Variants in CA10 observed in about 807,000 individuals in gnomAD.
CA10 encodes carbonic anhydrase-related protein 10.
Under a neutral mutation model 44.2 loss-of-function variants are expected in CA10, and 14 were observed. That is an observed-to-expected ratio of 0.32 (90% CI 0.21 to 0.50). The LOEUF is 0.50. Among genes scored for constraint, CA10 ranks in the 20% least tolerant of loss-of-function variants. The pLI, the probability that CA10 is intolerant of heterozygous loss-of-function variation, is 0.99. For synonymous variants in CA10, 159 were observed against 141.6 expected, an observed-to-expected ratio of 1.12 and a Z score of -0.87; for missense variants, 350 against 409.7, an observed-to-expected ratio of 0.85 and a Z score of 1.26.
At chr17:51,810,758 G>C (rs1179560548) in intron 3 of CA10, among the ~76,000 whole-genome samples, 2 of 152,210 alleles carry the variant, frequency 1.3e-5, no homozygotes, top group Admixed American at 6.5e-5. Context: ...GAGGTTCCCT[G>C]TTGAGAAAAA....
At chr17:52,087,728 T>C (rs1988155813) in intron 1 of CA10, among the ~76,000 whole-genome samples, 1 of 152,176 alleles carries the variant, frequency 6.6e-6, no homozygotes, top group Non-Finnish European at 1.5e-5. Context: ...CTCCTAAATA[T>C]GAAACAGCAT....
intron 4 of CA10, among the ~76,000 whole-genome samples, chr17:51,736,231 C>T (rs1916905777): frequency 6.6e-6 from 1 of 152,074 alleles, no homozygotes; most frequent in Non-Finnish European, 1.5e-5. Flanking sequence ...TGAATAATTC[C>T]ATCAATTTTC....
chr17:51,964,864 T>G (rs1034849093), intron 2 of CA10, among the ~76,000 whole-genome samples: 1 of 151,644 alleles, frequency 6.6e-6, no homozygotes, highest in African/African-American at 2.4e-5. Flanking sequence ...AAGAACAAAC[T>G]GACCCCAAAG....
At position 51,831,667 on chromosome 17, in the gene CA10, A is replaced by AAGCAGCAGCAGCAGCAGCAGC. The variant is rs66635963; in HGVS notation, c.280-83870_280-83850dup. Among the ~76,000 whole-genome samples, 62 of 127,488 alleles carry AAGCAGCAGCAGCAGCAGCAGC rather than the reference A, an allele frequency of 4.9e-4. 4 individuals carry two copies. The highest frequency in any genetic ancestry group is 3.0e-3 in the South Asian group (10 of 3,312). The allele number at this position is 127,488 out of a possible 152,430, so 83.6% of individuals were successfully genotyped here. A position where few individuals can be genotyped will look rare whatever the true frequency, so the allele number is the denominator to read the frequency against. On this transcript the variant is annotated intron_variant, in intron 3 of 8. Transcript: ENST00000451037. ...TGGATTGTTCCAAGGAGAAAAGAAA[A>AAGCAGCAGCAGCAGCAGCAGC]AGCAGCAGCAGCAGCAGCAGCAGCA... is the stretch of plus-strand genomic sequence containing the variant.
chr17:51,841,028 G>T (rs1978314913), intron 3 of CA10, among the ~76,000 whole-genome samples: 1 of 152,196 alleles, frequency 6.6e-6, no homozygotes, highest in Non-Finnish European at 1.5e-5. Context: ...AGGGAGAGAT[G>T]GTAACGGCCT....
At chr17:51,646,664 C>T (rs1254943204) in intron 6 of CA10, among the ~76,000 whole-genome samples, 2 of 152,278 alleles carry the variant, frequency 1.3e-5, no homozygotes, top group South Asian at 2.1e-4. Flanking sequence ...TGTTTCCCAC[C>T]CACTGGCTGT....
At chr17:51,860,407 AG>A (rs1217411465) in intron 3 of CA10, among the ~76,000 whole-genome samples, 1 of 152,220 alleles carries the variant, frequency 6.6e-6, no homozygotes, top group Non-Finnish European at 1.5e-5. Context: ...AATGGCTGGA[AG>A]TCTGACTGCA....
intron 3 of CA10, among the ~76,000 whole-genome samples, chr17:51,926,584 G>A (rs910639534): frequency 1.3e-5 from 2 of 152,120 alleles, no homozygotes; most frequent in Admixed American, 6.6e-5. Flanking sequence ...CCTTCTGGAA[G>A]CTCCAAGGAA....
intron 3 of CA10, among the ~76,000 whole-genome samples, chr17:51,922,773 G>T (rs978963568): frequency 6.6e-6 from 1 of 151,988 alleles, no homozygotes; most frequent in Non-Finnish European, 1.5e-5. Context: ...TTAAAAATCT[G>T]CCTTTTGAAG....
At chr17:51,691,622 A>G (rs554974328) in intron 4 of CA10, among the ~76,000 whole-genome samples, 150 of 151,984 alleles carry the variant, frequency 9.9e-4, no homozygotes, top group Middle Eastern at 6.8e-3. Context: ...GTTCATATAT[A>G]AAAAAAATCA....
intron 3 of CA10, among the ~76,000 whole-genome samples, chr17:51,789,097 C>T (rs1378359122): frequency 1.3e-5 from 2 of 152,154 alleles, no homozygotes; most frequent in African/African-American, 2.4e-5. Flanking sequence ...TCACTGCAGC[C>T]TCTGCCTCCT....
chr17:52,011,492 T>C (rs1046774633), intron 2 of CA10, among the ~76,000 whole-genome samples: 2 of 152,092 alleles, frequency 1.3e-5, no homozygotes, highest in African/African-American at 4.8e-5. Flanking sequence ...GAAGAAGTTA[T>C]AGCCAAATAA....
intron 2 of CA10, among the ~76,000 whole-genome samples, chr17:52,022,119 G>T (rs1191807055): frequency 6.6e-6 from 1 of 151,940 alleles, no homozygotes; most frequent in Non-Finnish European, 1.5e-5. Flanking sequence ...ATCAGCATCA[G>T]CTCAACATTA....
chr17:51,959,797 G>GAAAAA (rs3062037), intron 2 of CA10, among the ~76,000 whole-genome samples: 64 of 112,338 alleles, frequency 5.7e-4, no homozygotes, highest in Non-Finnish European at 8.2e-4. Flanking sequence ...CTGCTAAGAT[G>GAAAAA]AAAAAAAAAA....
At chr17:52,130,205 A>G (rs1177793642) in intron 1 of CA10, among the ~76,000 whole-genome samples, 1 of 152,194 alleles carries the variant, frequency 6.6e-6, no homozygotes, top group Non-Finnish European at 1.5e-5. Context: ...ACTGTTGGTG[A>G]GAATGCAAAT....
chr17:51,650,514 G>A (rs922936333), intron 5 of CA10, among the ~76,000 whole-genome samples: 1 of 152,116 alleles, frequency 6.6e-6, no homozygotes, highest in Non-Finnish European at 1.5e-5. Context: ...CACACCAAAG[G>A]GAGCTTGGTG....
At chr17:51,983,176 C>T (rs190811530) in intron 2 of CA10, among the ~76,000 whole-genome samples, 4 of 151,832 alleles carry the variant, frequency 2.6e-5, no homozygotes, top group Admixed American at 2.0e-4. Flanking sequence ...CACCATGAAA[C>T]TAACTCTGTC....
At chr17:51,959,747 G>C (rs1003285920) in intron 2 of CA10, among the ~76,000 whole-genome samples, 2 of 146,798 alleles carry the variant, frequency 1.4e-5, no homozygotes, top group African/African-American at 5.0e-5. Flanking sequence ...AGAGCAGGTT[G>C]AGGTTAGACT....
At chr17:51,963,583 G>C (rs1252500428) in intron 2 of CA10, among the ~76,000 whole-genome samples, 2 of 152,192 alleles carry the variant, frequency 1.3e-5, no homozygotes, top group Non-Finnish European at 2.9e-5. Flanking sequence ...GCACAAACCT[G>C]ACAAGTCAGG....
Sources: gnomAD v4.1 joint callset for allele counts (sites outside exome capture counted in the v4.1 genomes callset) on GRCh38, gnomAD v4.1.1 for gene constraint, MANE v1.5 for transcripts, NCBI Gene and HGNC (gene_info 2026-07-23, HGNC 2026-07-21) for gene names.